The following ARID4B variants were observed in gnomAD, a reference collection of about 807,000 sequenced individuals.
ARID4B encodes the protein AT-rich interactive domain-containing protein 4B.
A neutral mutation model predicts 147.5 loss-of-function variants in ARID4B; 26 were observed. The observed-to-expected ratio is 0.18, with a 90% confidence interval of 0.13 to 0.24. ARID4B has a LOEUF of 0.24. Among genes scored for constraint, ARID4B ranks in the 10% least tolerant of loss-of-function variants. ARID4B has a pLI of 1.00. For synonymous variants in ARID4B, 512 were observed against 507.9 expected, an observed-to-expected ratio of 1.01 and a Z score of -0.11; for missense variants, 1,179 against 1,511.5, an observed-to-expected ratio of 0.78 and a Z score of 3.65.
chr1:235,271,627 T>C (rs1013729128), intron 2 of ARID4B, among the ~76,000 whole-genome samples: 2 of 144,768 alleles, frequency 1.4e-5, no homozygotes, highest in African/African-American at 5.2e-5. Flanking sequence ...TGAAACTCTG[T>C]TTCAAAAAAA....
chr1:235,282,928 C>T (rs1318823829), intron 2 of ARID4B, among the ~76,000 whole-genome samples: 1 of 152,092 alleles, frequency 6.6e-6, no homozygotes, highest in East Asian at 1.9e-4. Flanking sequence ...CTACAGGCGC[C>T]TGCCACCACA....
At chr1:235,295,232 G>A (rs777581758) in intron 2 of ARID4B, among the ~76,000 whole-genome samples, 14 of 152,092 alleles carry the variant, frequency 9.2e-5, no homozygotes, top group South Asian at 2.1e-4. Flanking sequence ...GATATAGGCC[G>A]GGCATAGTGG....
intron 11 of ARID4B, among the ~76,000 whole-genome samples, chr1:235,225,435 G>C (rs1667767241): frequency 6.6e-6 from 1 of 152,210 alleles, no homozygotes; most frequent in Non-Finnish European, 1.5e-5. Flanking sequence ...TGGCAGCAGG[G>C]AGCTGGTCCT....
intron 4 of ARID4B, among the ~76,000 whole-genome samples, chr1:235,256,743 A>G (rs1035695175): frequency 1.3e-5 from 2 of 152,196 alleles, no homozygotes; most frequent in Admixed American, 6.5e-5. Flanking sequence ...CTAGTTCATC[A>G]TCTATTAATT....
rs1379668831 is a variant in ARID4B, at chr1:235,173,808, ATATATG to A, written c.3665-1050_3665-1045del. Among the ~76,000 whole-genome samples the A allele has an allele frequency of 3.8e-3, 299 of 78,548 alleles. 5 individuals carry two copies. Among genetic ancestry groups the A allele is most frequent in the Non-Finnish European group, 4.8e-3 (195 of 40,710 alleles). 51.5% of individuals were successfully genotyped at this position (78,548 alleles called of 152,430 possible). ...TATATATATATATATATATATATATATATATGTATACCTAAAACATATATATATATA... is the reference window on the plus strand; with the variant it reads ...TATATATATATATATATATATATATATATACCTAAAACATATATATATATA... On this transcript the variant is annotated intron_variant, in intron 22 of 23. Transcript: ENST00000264183.
At chr1:235,317,010 A>G (rs1012605270) in intron 2 of ARID4B, among the ~76,000 whole-genome samples, 1 of 152,334 alleles carries the variant, frequency 6.6e-6, no homozygotes, top group South Asian at 2.1e-4. Context: ...ATATTCCAAA[A>G]TCTGAAAAAA....
At chr1:235,321,615 C>G (rs1674843486) in intron 2 of ARID4B, among the ~76,000 whole-genome samples, 1 of 151,674 alleles carries the variant, frequency 6.6e-6, no homozygotes, top group African/African-American at 2.4e-5. Context: ...GCACCATTCT[C>G]CTGCCTCAGC....
intron 2 of ARID4B, among the ~76,000 whole-genome samples, chr1:235,290,977 C>T (rs1467014203): frequency 1.3e-5 from 2 of 152,110 alleles, no homozygotes; most frequent in Non-Finnish European, 2.9e-5. Flanking sequence ...CACACACCTG[C>T]AGTCCCACCT....
intron 5 of ARID4B, among the ~76,000 whole-genome samples, chr1:235,253,864 C>T (rs186661531): frequency 6.6e-6 from 1 of 152,200 alleles, no homozygotes; most frequent in Non-Finnish European, 1.5e-5. Flanking sequence ...AGATACTCTT[C>T]TTTCCTTTTC....
chr1:235,314,823 TG>T (rs1192585599), intron 2 of ARID4B, among the ~76,000 whole-genome samples: 2 of 152,194 alleles, frequency 1.3e-5, no homozygotes, highest in Non-Finnish European at 2.9e-5. Flanking sequence ...TACATTATTT[TG>T]GCTATCAATA....
Position 235,238,153 on chromosome 1 carries a change from AAAAAG to A in ARID4B, c.585+2155_585+2159del, listed in dbSNP as rs1232349730. ...GGCGAAACTCCATCTCAAAAAAAAA[AAAAAG>A]AAAAGAAAAGAAAAGAAAAAAGGAA... On this transcript the variant is annotated intron_variant, in intron 8 of 23. Transcript: ENST00000264183. 5.2e-3 allele frequency among the ~76,000 whole-genome samples: 740 copies of A among 141,782 alleles called. 3 individuals carry two copies. Among genetic ancestry groups the A allele is most frequent in the Middle Eastern group, 0.022 (6 of 274 alleles). 93.0% of individuals were successfully genotyped at this position (141,782 alleles called of 152,430 possible).
rs764028190 is a variant in ARID4B, at chr1:235,194,001, T to C, written c.2125+12A>G. On this transcript the variant is annotated intron_variant, in intron 19 of 23. Coordinates refer to ENST00000264183, the MANE Select transcript of ARID4B (RefSeq NM_016374.6). ...TCAAATACTTGCACAACAGAACGAT[T>C]GTTATGTTTACCTTGAAGTCCATTA... The C allele has an allele frequency of 6.9e-7, 1 of 1,445,652 alleles. No individual in the cohort carries two copies. Among genetic ancestry groups the C allele is most frequent in the African/African-American group, 1.5e-5 (1 of 67,770 alleles). The allele number at this position is 1,445,652 out of a possible 1,614,324, so 89.6% of individuals were successfully genotyped here. A position where few individuals can be genotyped will look rare whatever the true frequency, so the allele number is the denominator to read the frequency against.
At chr1:235,179,644 T>C (rs1664151237) in intron 20 of ARID4B, among the ~76,000 whole-genome samples, 1 of 151,178 alleles carries the variant, frequency 6.6e-6, no homozygotes, top group African/African-American at 2.4e-5. Flanking sequence ...ATTATTAACC[T>C]AGTCAAGATT....
At chr1:235,306,542 T>C (rs1347642930) in intron 2 of ARID4B, among the ~76,000 whole-genome samples, 1 of 151,874 alleles carries the variant, frequency 6.6e-6, no homozygotes, top group Non-Finnish European at 1.5e-5. Flanking sequence ...TACTAAAGTA[T>C]ATGAGGATTA....
At chr1:235,293,111 T>C (rs1212493587) in intron 2 of ARID4B, among the ~76,000 whole-genome samples, 2 of 152,200 alleles carry the variant, frequency 1.3e-5, no homozygotes, top group Non-Finnish European at 2.9e-5. Context: ...CCAAGCATTA[T>C]GCTTTAGTAA....
chr1:235,267,858 C>T (rs1426553585), intron 2 of ARID4B, among the ~76,000 whole-genome samples: 1 of 151,234 alleles, frequency 6.6e-6, no homozygotes, highest in Non-Finnish European at 1.5e-5. Context: ...GAGCCGAGAT[C>T]GAGTCACTGC....
intron 3 of ARID4B, among the ~76,000 whole-genome samples, chr1:235,259,120 C>T (rs896685799): frequency 3.3e-5 from 5 of 152,096 alleles, no homozygotes; most frequent in Non-Finnish European, 5.9e-5. Context: ...TAAAAATAAG[C>T]TTTAGATATT....
rs571601261 is a variant in ARID4B, at chr1:235,271,055, T to TA, written c.7-10304dup. ...GGAGAACATTTAAAAGAGTTTGATT[T>TA]AAAAAAAAAAATCCTTAAAATCCCT... On this transcript the variant is annotated intron_variant, in intron 2 of 23. Transcript: ENST00000264183. 5.9e-3 allele frequency among the ~76,000 whole-genome samples: 879 copies of TA among 148,142 alleles called. 13 individuals carry two copies. In the East Asian group the frequency reaches 0.061, roughly 10 times the overall value.
chr1:235,206,446 G>A (rs887332870), intron 17 of ARID4B, among the ~76,000 whole-genome samples: 21 of 152,044 alleles, frequency 1.4e-4, no homozygotes, highest in African/African-American at 5.1e-4. Flanking sequence ...CTCAAGTTAG[G>A]ATTGGAAAAA....
Sources: gnomAD v4.1 joint callset for allele counts (sites outside exome capture counted in the v4.1 genomes callset) on GRCh38, gnomAD v4.1.1 for gene constraint, MANE v1.5 for transcripts, NCBI Gene and HGNC (gene_info 2026-07-23, HGNC 2026-07-21) for gene names.